Variants in PCDHA6 observed in about 807,000 individuals in gnomAD.
PCDHA6 encodes protocadherin alpha-6.
In PCDHA6, 55 loss-of-function variants were observed where a neutral mutation model predicts 60.3. The ratio of observed to expected loss-of-function variants is 0.91; its 90% CI spans 0.73 to 1.14. PCDHA6 has a LOEUF of 1.14. Ranked by LOEUF, PCDHA6 falls within the 50% of genes most tolerant of loss-of-function variation. The probability of loss-of-function intolerance (pLI) is 0.00; values close to 1 mark genes in which losing one functional copy is unlikely to be tolerated. For missense variants in PCDHA6, 1,327 were observed against 1,256.5 expected, an observed-to-expected ratio of 1.06 and a Z score of -0.85; for synonymous variants, 652 against 557.9, an observed-to-expected ratio of 1.17 and a Z score of -2.38.
At chr5:140,879,512 G>C (rs1378276808) in intron 1 of PCDHA6, among the ~76,000 whole-genome samples, 1 of 152,156 alleles carries the variant, frequency 6.6e-6, no homozygotes, top group Non-Finnish European at 1.5e-5. Flanking sequence ...AGAGATTATT[G>C]ATATAGATTT....
At chr5:140,850,223 A>T in intron 1 of PCDHA6, 1 of 1,593,640 alleles carries the variant, frequency 6.3e-7, no homozygotes, top group Non-Finnish European at 8.6e-7. Flanking sequence ...CTGACGGCGC[A>T]GTGAGCGAGA....
At chr5:140,923,638 C>G (rs1375136191) in intron 1 of PCDHA6, among the ~76,000 whole-genome samples, 1 of 152,176 alleles carries the variant, frequency 6.6e-6, no homozygotes, top group African/African-American at 2.4e-5. Flanking sequence ...AGGCAAAAAT[C>G]TTTAGCCTCC....
intron 1 of PCDHA6, chr5:140,850,254 G>A: frequency 3.8e-6 from 6 of 1,593,786 alleles, no homozygotes; most frequent in South Asian, 1.1e-5. Flanking sequence ...GTCGGTGGGC[G>A]CCGGCGTAGT....
In PCDHA6 at chr5:140,835,236, G is replaced by A. The variant is rs1307272356; in HGVS notation, c.2394+4751G>A. The A allele has an allele frequency of 6.9e-6, 11 of 1,599,722 alleles. 1 individual carries two copies. The highest frequency in any genetic ancestry group is 9.4e-6 in the Non-Finnish European group (11 of 1,173,316). On this transcript the variant is annotated intron_variant, in intron 1 of 3. Coordinates refer to ENST00000529310, the MANE Select transcript of PCDHA6 (RefSeq NM_018909.4). The stretch of plus-strand genomic sequence containing the variant: ...TATTATTTACTCCTTCTCCAGTGAT[G>A]TTTCTCCAGATATAAAATCCAAGTT...
intron 3 of PCDHA6, among the ~76,000 whole-genome samples, chr5:141,008,590 T>G (rs1259352249): frequency 6.6e-6 from 1 of 152,216 alleles, no homozygotes; most frequent in Non-Finnish European, 1.5e-5. Context: ...CAGGGCAGAT[T>G]TCACCTCCTC....
intron 1 of PCDHA6, among the ~76,000 whole-genome samples, chr5:140,844,638 T>C (rs1352233987): frequency 8.0e-5 from 12 of 149,752 alleles, no homozygotes; most frequent in African/African-American, 2.7e-4. Flanking sequence ...CTATACATGA[T>C]AATTTCATTC....
chr5:140,967,332 C>G, intron 1 of PCDHA6: 2 of 1,608,024 alleles, frequency 1.2e-6, no homozygotes, highest in Non-Finnish European at 1.7e-6. Context: ...GAGCTCAGCC[C>G]CAGCGAGCAC....
intron 1 of PCDHA6, chr5:140,875,470 G>T: frequency 6.2e-7 from 1 of 1,605,786 alleles, no homozygotes; most frequent in Non-Finnish European, 8.5e-7. Context: ...CTCATTTTCT[G>T]CAATGGTGAT....
At chr5:140,954,214 T>C (rs1186171676) in intron 1 of PCDHA6, among the ~76,000 whole-genome samples, 1 of 152,254 alleles carries the variant, frequency 6.6e-6, no homozygotes, top group African/African-American at 2.4e-5. Flanking sequence ...TCCCATGTTT[T>C]TGCTATTGTG....
At chr5:140,964,213 A>G (rs1338010666) in intron 1 of PCDHA6, among the ~76,000 whole-genome samples, 10 of 152,210 alleles carry the variant, frequency 6.6e-5, no homozygotes, top group African/African-American at 1.9e-4. Flanking sequence ...CTTTAGTACA[A>G]TGTCTTTCAA....
At chr5:140,962,405 C>A (rs2095680586) in intron 1 of PCDHA6, among the ~76,000 whole-genome samples, 1 of 152,200 alleles carries the variant, frequency 6.6e-6, no homozygotes, top group South Asian at 2.1e-4. Context: ...TGCCCCAAAC[C>A]TGTCTCTCCC....
rs147499647 is a variant in PCDHA6 at position 140,829,222 on chromosome 5, C to T, written c.1131C>T (p.Leu377=). 3.3e-5 allele frequency: 53 copies of T among 1,614,100 alleles called. No individual in the cohort carries two copies. The highest frequency in any genetic ancestry group is 4.4e-5 in the Non-Finnish European group (52 of 1,180,050). The part of the protein sequence containing the change: ...TVIALISVND[L]DSGANGQVNC... ...TCGCCCTAATTAGCGTGAACGACCTCGATTCAGGTGCCAACGGGCAGGTGA... is the reference window on the plus strand; with the variant it reads ...TCGCCCTAATTAGCGTGAACGACCTTGATTCAGGTGCCAACGGGCAGGTGA... Residue 377 remains leucine, a synonymous_variant, in exon 1 of 4, where the codon CTC becomes CTT. Coordinates refer to ENST00000529310, the MANE Select transcript of PCDHA6 (RefSeq NM_018909.4).
intron 1 of PCDHA6, among the ~76,000 whole-genome samples, chr5:140,889,584 CT>C (rs1192659128): frequency 1.3e-5 from 2 of 151,792 alleles, no homozygotes; most frequent in Non-Finnish European, 2.9e-5. Context: ...TTTGTTTTTG[CT>C]TTGAAATATT....
At chr5:140,861,115 A>G (rs1466747567) in intron 1 of PCDHA6, 1 of 152,586 alleles carries the variant, frequency 6.6e-6, no homozygotes, top group Non-Finnish European at 1.5e-5. Context: ...AAAACTACAA[A>G]CACCCATTAA....
intron 3 of PCDHA6, 63 bp downstream of exon 3, chr5:140,982,626 T>C (rs782343298): frequency 2.5e-5 from 39 of 1,581,800 alleles, no homozygotes; most frequent in Non-Finnish European, 2.8e-5. Context: ...TGACCTACTT[T>C]TGTAAGATCA....
At chr5:140,917,305 C>A (rs1554197951) in intron 1 of PCDHA6, among the ~76,000 whole-genome samples, 1 of 137,092 alleles carries the variant, frequency 7.3e-6, no homozygotes, top group Non-Finnish European at 1.5e-5. Flanking sequence ...ATAGTTGTTA[C>A]AATTTGGTGT....
chr5:140,926,791 G>A, intron 1 of PCDHA6: 6 of 1,439,200 alleles, frequency 4.2e-6, no homozygotes, highest in East Asian at 2.5e-5. Context: ...GCCGGCAGGA[G>A]CGTGCTCTTC....
At chr5:140,841,883 G>T in intron 1 of PCDHA6, 1 of 1,613,836 alleles carries the variant, frequency 6.2e-7, no homozygotes, top group East Asian at 2.2e-5. Context: ...AAAGAACGAT[G>T]AGAATAAACT....
At chr5:140,862,614 C>A (rs939104961) in intron 1 of PCDHA6, 11 of 523,250 alleles carry the variant, frequency 2.1e-5, no homozygotes, top group Non-Finnish European at 3.9e-5. Flanking sequence ...TGAAAGGTAA[C>A]AACCCGCGGG....
Sources: allele counts gnomAD v4.1 joint callset (sites outside exome capture counted in the v4.1 genomes callset), GRCh38; gene constraint gnomAD v4.1.1; transcripts MANE v1.5; gene names NCBI Gene and HGNC (gene_info 2026-07-23, HGNC 2026-07-21).